TEX13B: variants seen among roughly 807,000 people sequenced by gnomAD.
TEX13B encodes the protein testis expressed 13B, also known as testis-expressed protein 13B.
A neutral mutation model predicts 11.2 loss-of-function variants in TEX13B; 5 were observed. The ratio of observed to expected loss-of-function variants is 0.44; its 90% confidence interval spans 0.23 to 0.93. TEX13B has a LOEUF of 0.93. Among genes scored for constraint, TEX13B ranks in the 40% least tolerant of loss-of-function variants. The pLI, the probability that TEX13B is intolerant of heterozygous loss-of-function variation, is 0.23. For synonymous variants in TEX13B, 115 were observed against 100.9 expected (o/e 1.14, Z -0.84); for missense variants, 213 against 244.2 (o/e 0.87, Z 0.85).
chrX:107,981,117 C>T lies in TEX13B; in HGVS notation c.902G>A (p.Gly301Asp), dbSNP rs1343502259. ...TPFTSKGHRT[G>D]SNSDAFQLGG... ...CAGTTGAAAGGCATCTGAGTTGGAA[C>T]CCGTTCTGTGACCTTTGCTGGTGAA... is the stretch of plus-strand genomic sequence containing the variant. Residue 301 changes from glycine to aspartate, a missense_variant, in exon 3 of 3, where the codon GGT becomes GAT. Transcript: ENST00000302917. 5.0e-6 allele frequency: 6 copies of T among 1,208,748 alleles called. No homozygotes were observed. In the African/African-American group the frequency reaches 7.1e-5, roughly 14 times the overall value.
chrX:107,982,331 A>T lies in TEX13B; in HGVS notation c.-54T>A. On this transcript the variant is annotated 5_prime_UTR_variant, in exon 1 of 3. Coordinates refer to ENST00000302917, the MANE Select transcript of TEX13B (RefSeq NM_031273.2). ...TCACCTCTTCAGCCAGGGCCAGAGGAAGTACAGGCCAACCCCGCTGCTTAA... is the reference window on the plus strand; with the variant it reads ...TCACCTCTTCAGCCAGGGCCAGAGGTAGTACAGGCCAACCCCGCTGCTTAA... 1 of 398,284 alleles carries T rather than the reference A, an allele frequency of 2.5e-6. No homozygotes were observed. Among genetic ancestry groups the T allele is most frequent in the Non-Finnish European group, 4.3e-6 (1 of 233,322 alleles). 32.8% of individuals were successfully genotyped at this position (398,284 alleles called of 1,213,427 possible). A position where few individuals can be genotyped will look rare whatever the true frequency, so the allele number is the denominator to read the frequency against.
chrX:107,981,791 C>T lies in TEX13B; in HGVS notation c.337G>A (p.Glu113Lys), dbSNP rs756388958. Residue 113 changes from glutamate (E) to lysine (K), a missense_variant, in exon 2 of 3, where the codon GAA (glutamate) becomes AAA (lysine). Transcript: ENST00000302917. The stretch of plus-strand genomic sequence containing the variant: ...TCCATCTCCTGCTGTTCCTTGAGTT[C>T]CGTCAGGTTTGAGGCCAAGACCAGC... The part of the protein sequence containing the change: ...AALVLASNLT[E>K]LKEQQEMECN... The T allele has an allele frequency of 8.3e-7, 1 of 1,212,018 alleles. No individual in the cohort carries two copies. Among genetic ancestry groups the T allele is most frequent in the Non-Finnish European group, 1.1e-6 (1 of 895,475 alleles).
chrX:107,981,147 G>T lies in TEX13B; in HGVS notation c.872C>A (p.Thr291Asn). ...TCTGTGACCTTTGCTGGTGAAGGGG[G>T]TATATTGGGTATGGCTGAGAAGGCG... ...FVRLLSHTQYTPFTSKGHRTG... is the reference protein window; with the variant it reads ...FVRLLSHTQYNPFTSKGHRTG... The change falls in exon 3 of 3, where the codon ACC (threonine) becomes AAC (asparagine). Residue 291 changes from threonine to asparagine, a missense_variant. Physicochemically the swap from Thr to Asn is moderately conservative, Grantham distance 65 (BLOSUM62 0). Transcript: ENST00000302917. 8.3e-7 allele frequency: 1 copy of T among 1,211,195 alleles called. No individual in the cohort carries two copies.
In TEX13B at chrX:107,981,191, G is replaced by A. The variant is rs375765697; in HGVS notation, c.828C>T (p.Leu276=). Residue 276 remains leucine, a synonymous_variant, in exon 3 of 3, where the codon CTC becomes CTT. Coordinates refer to ENST00000302917, the MANE Select transcript of TEX13B (RefSeq NM_031273.2). ...GAAGGCGGACAAAGGGCATGGGTAT[G>A]AGTATGTGAATGAGGTAGGGAGCTG... ...SCPAPYLIHI[L]IPMPFVRLLS... 2.8e-5 allele frequency: 34 copies of A among 1,209,956 alleles called. No homozygotes were observed. Among genetic ancestry groups the A allele is most frequent in the Non-Finnish European group, 3.8e-5 (34 of 895,214 alleles).
At position 107,981,925 on chromosome X, in the gene TEX13B, G is replaced by A. The variant is rs1277560776; in HGVS notation, c.203C>T (p.Thr68Ile). Residue 68 changes from threonine to isoleucine, a missense_variant, in exon 2 of 3, where the codon ACC becomes ATC. Coordinates refer to ENST00000302917, the MANE Select transcript of TEX13B (RefSeq NM_031273.2). ...EVPSEVKEACTWGSLALGVRF... is the reference protein window; with the variant it reads ...EVPSEVKEACIWGSLALGVRF... ...CACACCCAAGGCCAGGCTGCCCCAG[G>A]TGCAGGCCTCTTTGACCTCGCTGGG... 8.3e-7 allele frequency: 1 copy of A among 1,211,057 alleles called. No homozygotes were observed. The highest frequency in any genetic ancestry group is 1.8e-5 in the South Asian group (1 of 56,951).
rs758061329 is a variant in TEX13B at position 107,982,014 on chromosome X, A to G, written c.114T>C (p.Asn38=). ...HTKGPEFYFE[N]ISLSWEEVED... ...CCACCTCCTCCCAGGATAAGGATATATTCTCGAAGTAGAACTCGGGGCCTT... is the reference window on the plus strand; with the variant it reads ...CCACCTCCTCCCAGGATAAGGATATGTTCTCGAAGTAGAACTCGGGGCCTT... Residue 38 remains asparagine, a synonymous_variant, in exon 2 of 3, where the codon AAT becomes AAC. Transcript: ENST00000302917. The G allele has an allele frequency of 8.3e-7, 1 of 1,211,475 alleles. No homozygotes were observed. The highest frequency in any genetic ancestry group is 1.1e-6 in the Non-Finnish European group (1 of 895,373).
At position 107,981,506 on chromosome X, in the gene TEX13B, G is replaced by A. The variant is rs750027989; in HGVS notation, c.513C>T (p.Ala171=). Residue 171 remains alanine, a synonymous_variant, in exon 3 of 3, where the codon GCC becomes GCT. Coordinates refer to ENST00000302917, the MANE Select transcript of TEX13B (RefSeq NM_031273.2). ...CTTCTGTCCAATCCCCTCCGGCAGT[G>A]GCCAGGCCTGGAAACACTGTAGCCT... ...QGQATVFPGL[A]TAGGDWTEGA... The A allele has an allele frequency of 2.5e-6, 3 of 1,211,613 alleles. No individual in the cohort carries two copies. The highest frequency in any genetic ancestry group is 2.2e-6 in the Non-Finnish European group (2 of 895,487).
intron 2 of TEX13B, 38 bp downstream of exon 2, chrX:107,981,631 G>T (rs760355699): frequency 1.7e-6 from 2 of 1,189,615 alleles, no homozygotes; most frequent in African/African-American, 3.5e-5. Context: ...TTGGGGCAGG[G>T]CAGAGGCATT....
At position 107,982,017 on chromosome X, in the gene TEX13B, C is replaced by T. The variant is rs777689678; in HGVS notation, c.111G>A (p.Glu37=). Residue 37 remains glutamate (E), a synonymous_variant, in exon 2 of 3, where the codon GAG becomes GAA. Coordinates refer to ENST00000302917, the MANE Select transcript of TEX13B (RefSeq NM_031273.2). ...RHTKGPEFYF[E]NISLSWEEVE... ...CCTCCTCCCAGGATAAGGATATATT[C>T]TCGAAGTAGAACTCGGGGCCTTTCG... is the stretch of plus-strand genomic sequence containing the variant. The T allele has an allele frequency of 8.3e-7, 1 of 1,211,833 alleles. No individual in the cohort carries two copies. The highest frequency in any genetic ancestry group is 1.1e-6 in the Non-Finnish European group (1 of 895,450).
rs1305068683 is a variant in TEX13B at position 107,981,911 on chromosome X, C to T, written c.217G>A (p.Ala73Thr). 8.3e-7 allele frequency: 1 copy of T among 1,209,461 alleles called. No individual in the cohort carries two copies. Among genetic ancestry groups the T allele is most frequent in the Admixed American group, 2.2e-5 (1 of 46,061 alleles). The change falls in exon 2 of 3, where the codon GCC (alanine) becomes ACC (threonine). Residue 73 changes from alanine (A) to threonine (T), a missense_variant. Transcript: ENST00000302917. ...CTGTGGGCAAAGCGCACACCCAAGG[C>T]CAGGCTGCCCCAGGTGCAGGCCTCT... ...VKEACTWGSL[A>T]LGVRFAHRQG...
Position 107,981,823 on chromosome X carries a change from G to A in TEX13B, c.305C>T (p.Ser102Leu). The A allele has an allele frequency of 8.3e-7, 1 of 1,211,188 alleles. No homozygotes were observed. The change falls in exon 2 of 3, where the codon TCA becomes TTA. Residue 102 changes from serine (S) to leucine (L), a missense_variant. Ser to Leu is a moderately radical substitution (Grantham distance 145, BLOSUM62 -2). Transcript: ENST00000302917. Reference sequence around the variant, plus strand: ...GTTTGAGGCCAAGACCAGCGCAGCTGATCTGTGCAGTTTGGCAAAGCCTTG... The same window carrying A: ...GTTTGAGGCCAAGACCAGCGCAGCTAATCTGTGCAGTTTGGCAAAGCCTTG... Reference protein sequence around the residue: ...WLQGFAKLHRSAALVLASNLT... With the variant: ...WLQGFAKLHRLAALVLASNLT...
rs1182829970 is a variant in TEX13B, at chrX:107,982,172, A to G, written c.-32-13T>C. 3 of 1,115,014 alleles carry G rather than the reference A, an allele frequency of 2.7e-6. No individual in the cohort carries two copies. The South Asian group carries it at 6.4e-5, about 24-fold the overall frequency. The allele number at this position is 1,115,014 out of a possible 1,213,427, so 91.9% of individuals were successfully genotyped here. A position where few individuals can be genotyped will look rare whatever the true frequency, so the allele number is the denominator to read the frequency against. On this transcript the variant is annotated splice_polypyrimidine_tract_variant and intron_variant, in intron 1 of 2. Transcript: ENST00000302917. ...GGTTTCACTAGCCCTGTGTGGATGG[A>G]GCAGCCAATAGGTTTCTTTCCTCCT...
rs1022277002 is a variant in TEX13B, at chrX:107,982,132, G to C, written c.-5C>G. ...GTCCTCAGGTCTCAAGGCCATGATC[G>C]CCTAGGGGCTTAACGGTTTCACTAG... On this transcript the variant is annotated 5_prime_UTR_variant, in exon 2 of 3. Transcript: ENST00000302917. The C allele has an allele frequency of 5.1e-6, 6 of 1,185,591 alleles. No individual in the cohort carries two copies. The highest frequency in any genetic ancestry group is 6.8e-6 in the Non-Finnish European group (6 of 880,947).
chrX:107,982,062 G>A lies in TEX13B; in HGVS notation c.66C>T (p.Ile22=), dbSNP rs548824099. The change falls in exon 2 of 3, where the codon ATC becomes ATT. Residue 22 remains isoleucine, a synonymous_variant. Coordinates refer to ENST00000302917, the MANE Select transcript of TEX13B (RefSeq NM_031273.2). Reference sequence around the variant, plus strand: ...CTTTCGTGTGCCTGGCCATTTTCTCGATGATGAAGGCCACCACGTTTCCGT... The same window carrying A: ...CTTTCGTGTGCCTGGCCATTTTCTCAATGATGAAGGCCACCACGTTTCCGT... ...FRHGNVVAFI[I]EKMARHTKGP... 3 of 1,211,079 alleles carry A rather than the reference G, an allele frequency of 2.5e-6. No homozygotes were observed. The highest frequency in any genetic ancestry group is 4.3e-5 in the Admixed American group (2 of 46,095).
intron 2 of TEX13B, 34 bp from the exon 3 acceptor site, chrX:107,981,593 TG>T (rs756694215): frequency 8.3e-7 from 1 of 1,201,507 alleles, no homozygotes; most frequent in African/African-American, 1.8e-5. Flanking sequence ...AAACACATTC[TG>T]GGGACAGGGC....
Position 107,981,318 on chromosome X carries a change from T to C in TEX13B, c.701A>G (p.His234Arg). The C allele has an allele frequency of 8.3e-7, 1 of 1,211,195 alleles. No individual in the cohort carries two copies. The highest frequency in any genetic ancestry group is 1.7e-5 in the African/African-American group (1 of 57,558). Reference protein sequence around the residue: ...PLGAIVAGKLHLCGAEGERSQ... With the variant: ...PLGAIVAGKLRLCGAEGERSQ... ...TCTTTCTCCCTCTGCCCCGCAAAGG[T>C]GTAATTTGCCTGCTACAATAGCTCC... The change falls in exon 3 of 3, where the codon CAC becomes CGC. Residue 234 changes from histidine to arginine, a missense_variant. Transcript: ENST00000302917.
Position 107,981,733 on chromosome X carries a change from G to C in TEX13B, c.395C>G (p.Thr132Ser), listed in dbSNP as rs144538520. 8,826 of 1,209,609 alleles carry C rather than the reference G, an allele frequency of 7.3e-3. 47 individuals are homozygous for C. The highest frequency in any genetic ancestry group is 0.036 in the South Asian group (2,014 of 56,642). The change falls in exon 2 of 3, where the codon ACC (threonine) becomes AGC (serine). Residue 132 changes from threonine (T) to serine (S), a missense_variant. Transcript: ENST00000302917. ...CNEATFQLQL[T>S]ETSLAEVQRE... ...CTGCACCTCCGCAAGGCTGGTCTCG[G>C]TTAGCTGCAACTGGAAGGTCGCCTC...
chrX:107,981,611 T>C, intron 2 of TEX13B, 52 bp from the exon 3 acceptor site: 1 of 1,194,680 alleles, frequency 8.4e-7, no homozygotes, highest in Non-Finnish European at 1.1e-6. Flanking sequence ...GGGCAGGGGG[T>C]CCGGACAGGT....
rs754366417 is a variant in TEX13B at position 107,981,346 on chromosome X, G to C, written c.673C>G (p.Leu225Val). 5.0e-6 allele frequency: 6 copies of C among 1,211,793 alleles called. No individual in the cohort carries two copies. The highest frequency in any genetic ancestry group is 5.6e-6 in the Non-Finnish European group (5 of 895,530). ...QGLGGGFRQP[L>V]GAIVAGKLHL... ...AATTTGCCTGCTACAATAGCTCCGA[G>C]GGGCTGCCTGAAGCCTCCTCCCAGC... Residue 225 changes from leucine (L) to valine (V), a missense_variant, in exon 3 of 3, where the codon CTC (leucine) becomes GTC (valine). By Grantham distance (32) the Leu-to-Val change is conservative. Transcript: ENST00000302917.
Sources: gnomAD v4.1 joint callset for allele counts on GRCh38, gnomAD v4.1.1 for gene constraint, MANE v1.5 for transcripts, NCBI Gene and HGNC (gene_info 2026-07-23, HGNC 2026-07-21) for gene names.